Variants in SLF1 observed in about 807,000 individuals in gnomAD.
SLF1 encodes SMC5-SMC6 complex localization factor protein 1.
A neutral mutation model predicts 123.0 loss-of-function variants in SLF1; 105 were observed. The observed-to-expected ratio is 0.85, with a 90% confidence interval of 0.73 to 1.00. The LOEUF (loss-of-function observed/expected upper bound fraction) is 1.00. Among genes scored for constraint, SLF1 ranks in the 50% least tolerant of loss-of-function variants. The probability of loss-of-function intolerance (pLI) is 0.00; values close to 1 mark genes in which losing one functional copy is unlikely to be tolerated. For synonymous variants in SLF1, 434 were observed against 406.6 expected, an observed-to-expected ratio of 1.07 and a Z score of -0.81; for missense variants, 1,239 against 1,223.0, an observed-to-expected ratio of 1.01 and a Z score of -0.20.
intron 5 of SLF1, among the ~76,000 whole-genome samples, chr5:94,647,018 A>G (rs1174435347): frequency 6.6e-6 from 1 of 152,166 alleles, no homozygotes; most frequent in African/African-American, 2.4e-5. Context: ...AAATGAGGGT[A>G]AGTAACTTGC....
In SLF1 at chr5:94,651,749, T is replaced by G; in HGVS notation, c.786T>G (p.Ile262Met). The G allele has an allele frequency of 1.3e-6, 2 of 1,527,974 alleles. No homozygotes were observed. Among genetic ancestry groups the G allele is most frequent in the Non-Finnish European group, 1.8e-6 (2 of 1,137,844 alleles). The allele number at this position is 1,527,974 out of a possible 1,614,324, so 94.7% of individuals were successfully genotyped here. A position where few individuals can be genotyped will look rare whatever the true frequency, so the allele number is the denominator to read the frequency against. The change falls in exon 7 of 21, where the codon ATT becomes ATG. Residue 262 changes from isoleucine (I) to methionine (M), a missense_variant. Physicochemically the swap from Ile to Met is conservative, Grantham distance 10. Coordinates refer to ENST00000265140, the MANE Select transcript of SLF1 (RefSeq NM_032290.4). ...HEDVNVGSILIQHHKKEKFSG... is the reference protein window; with the variant it reads ...HEDVNVGSILMQHHKKEKFSG... The stretch of plus-strand genomic sequence containing the variant: ...ATGTTAATGTTGGTTCTATTTTGAT[T>G]CAACATCACAAAAAAGAAAAATTCA...
At chr5:94,635,337 C>CTTTT (rs34524874) in intron 4 of SLF1, among the ~76,000 whole-genome samples, 2 of 43,906 alleles carry the variant, frequency 4.6e-5, no homozygotes, top group African/African-American at 1.8e-4. Flanking sequence ...ACATACTCGG[C>CTTTT]TTTTTTTTTT....
At chr5:94,688,390 C>T in intron 16 of SLF1, 116 bp from the exon 17 acceptor site, 2 of 1,063,710 alleles carry the variant, frequency 1.9e-6, no homozygotes, top group Middle Eastern at 2.5e-4. Context: ...AGAGTGGCAA[C>T]CATAGTGATG....
intron 15 of SLF1, among the ~76,000 whole-genome samples, chr5:94,679,709 T>TATATAA (rs1751544300): frequency 6.6e-6 from 1 of 152,190 alleles, no homozygotes; most frequent in Non-Finnish European, 1.5e-5. Context: ...ATGGATAATT[T>TATATAA]TTTTCACTCT....
intron 15 of SLF1, among the ~76,000 whole-genome samples, chr5:94,685,009 A>G (rs1359799295): frequency 6.6e-6 from 1 of 152,238 alleles, no homozygotes; most frequent in Non-Finnish European, 1.5e-5. Flanking sequence ...TGCCAATAGC[A>G]TCCCTTTCCC....
chr5:94,660,489 C>T (rs929705666), intron 9 of SLF1, among the ~76,000 whole-genome samples: 15 of 152,132 alleles, frequency 9.9e-5, no homozygotes, highest in Admixed American at 8.5e-4. Context: ...TGCTAGTAGT[C>T]GGAGTAGGGT....
chr5:94,652,457 A>C (rs1205938109), intron 7 of SLF1, among the ~76,000 whole-genome samples: 4 of 152,188 alleles, frequency 2.6e-5, no homozygotes, highest in Non-Finnish European at 5.9e-5. Flanking sequence ...AGCTTTGTCT[A>C]TTCATGAACA....
rs1749215546 is a variant in SLF1 at position 94,662,329 on chromosome 5, A to G, written c.1187A>G (p.Lys396Arg). 1.3e-6 allele frequency: 2 copies of G among 1,550,018 alleles called. No individual in the cohort carries two copies. Among genetic ancestry groups the G allele is most frequent in the East Asian group, 4.9e-5 (2 of 40,820 alleles). ...AVRYNCIRID[K>R]QPVYNVEVKN... ...AGATACAACTGCATTAGAATAGATA[A>G]ACAACCAGTGTACAACGTAGAGGTA... is the stretch of plus-strand genomic sequence containing the variant. The change falls in exon 10 of 21, where the codon AAA (lysine) becomes AGA (arginine). Residue 396 changes from lysine (K) to arginine (R), a missense_variant. Lys to Arg is a conservative substitution (Grantham distance 26, BLOSUM62 2). Transcript: ENST00000265140.
intron 15 of SLF1, among the ~76,000 whole-genome samples, chr5:94,681,901 C>T (rs1751823726): frequency 6.6e-6 from 1 of 152,150 alleles, no homozygotes; most frequent in Admixed American, 6.5e-5. Flanking sequence ...CAGTAGCCTC[C>T]AGCCTGGGGG....
intron 1 of SLF1, among the ~76,000 whole-genome samples, chr5:94,624,539 A>T (rs1792063080): frequency 6.6e-6 from 1 of 152,208 alleles, no homozygotes; most frequent in African/African-American, 2.4e-5. Context: ...CCTTATTAAT[A>T]ATCAAATTGT....
rs1344262551 is a variant in SLF1, at chr5:94,678,747, A to G, written c.1828-61A>G. ...GCCCCTCAAAAAGTATTCAAAATAA[A>G]TACTAACAGAAATTCAATATTGTAA... On this transcript the variant is annotated intron_variant, in intron 14 of 20. Coordinates refer to ENST00000265140, the MANE Select transcript of SLF1 (RefSeq NM_032290.4). The G allele has an allele frequency of 1.7e-5, 24 of 1,434,098 alleles. 1 individual carries two copies. The highest frequency in any genetic ancestry group is 2.2e-5 in the Non-Finnish European group (23 of 1,047,746). The allele number at this position is 1,434,098 out of a possible 1,614,324, so 88.8% of individuals were successfully genotyped here. A position where few individuals can be genotyped will look rare whatever the true frequency, so the allele number is the denominator to read the frequency against.
Position 94,671,015 on chromosome 5 carries a change from A to G in SLF1, c.1827+7A>G. On this transcript the variant is annotated splice_region_variant and intron_variant, in intron 14 of 20. Coordinates refer to ENST00000265140, the MANE Select transcript of SLF1 (RefSeq NM_032290.4). ...AAAATTCAAGTCTAATGATGTAAGT[A>G]GGATTAATTTATAGATGAATAGTCT... 1 of 1,502,566 alleles carries G rather than the reference A, an allele frequency of 6.7e-7. No homozygotes were observed. The highest frequency in any genetic ancestry group is 1.2e-5 in the South Asian group (1 of 80,744). The allele number at this position is 1,502,566 out of a possible 1,614,324, so 93.1% of individuals were successfully genotyped here.
At position 94,654,737 on chromosome 5, in the gene SLF1, C is replaced by T; in HGVS notation, c.1140C>T (p.His380=). The T allele has an allele frequency of 1.3e-6, 2 of 1,523,870 alleles. No individual in the cohort carries two copies. Among genetic ancestry groups the T allele is most frequent in the Non-Finnish European group, 1.8e-6 (2 of 1,134,044 alleles). 94.4% of individuals were successfully genotyped at this position (1,523,870 alleles called of 1,614,324 possible). A position where few individuals can be genotyped will look rare whatever the true frequency, so the allele number is the denominator to read the frequency against. ...VVEIKNTLRK[H]IYRAQAVRYN... ...AAATAAAAAATACCTTAAGGAAGCA[C>T]ATATATAGAGCTCAGGTAAAACTTG... The change falls in exon 9 of 21, where the codon CAC becomes CAT. Residue 380 remains histidine (H), a synonymous_variant. Transcript: ENST00000265140.
chr5:94,622,997 G>T (rs1293612961), intron 1 of SLF1, among the ~76,000 whole-genome samples: 1 of 151,916 alleles, frequency 6.6e-6, no homozygotes, highest in Non-Finnish European at 1.5e-5. Context: ...CCAGACTTTT[G>T]TATTCATATC....
intron 15 of SLF1, among the ~76,000 whole-genome samples, chr5:94,685,823 G>C (rs1424870511): frequency 6.6e-6 from 1 of 150,408 alleles, no homozygotes; most frequent in Non-Finnish European, 1.5e-5. Flanking sequence ...AACAGAGCGA[G>C]ACTCCGTCTC....
chr5:94,663,972 T>A, intron 11 of SLF1, 64 bp downstream of exon 11: 1 of 1,386,334 alleles, frequency 7.2e-7, no homozygotes, highest in Non-Finnish European at 9.6e-7. Flanking sequence ...GAACATTTTC[T>A]CACTTTTTGT....
intron 4 of SLF1, among the ~76,000 whole-genome samples, chr5:94,631,456 C>T (rs993953978): frequency 3.9e-5 from 6 of 152,134 alleles, no homozygotes; most frequent in African/African-American, 1.4e-4. Flanking sequence ...TCCTTTTTAT[C>T]ACTATAGACT....
intron 4 of SLF1, among the ~76,000 whole-genome samples, chr5:94,631,962 TTTTC>T (rs1745244879): frequency 7.5e-6 from 1 of 134,108 alleles, no homozygotes. Context: ...CAAAATTTTT[TTTTC>T]TTTCTTTTTT....
intron 11 of SLF1, among the ~76,000 whole-genome samples, chr5:94,664,543 C>G (rs1378492065): frequency 1.3e-5 from 2 of 152,206 alleles, no homozygotes; most frequent in Non-Finnish European, 2.9e-5. Context: ...CCAATAGGAA[C>G]AAATATTCAA....
Sources: gnomAD v4.1 joint callset for allele counts (sites outside exome capture counted in the v4.1 genomes callset) on GRCh38, gnomAD v4.1.1 for gene constraint, MANE v1.5 for transcripts, NCBI Gene and HGNC (gene_info 2026-07-23, HGNC 2026-07-21) for gene names.